Variants in TMOD3 observed in about 807,000 individuals in gnomAD.
TMOD3 encodes the protein tropomodulin 3.
Under a neutral mutation model 39.2 loss-of-function variants are expected in TMOD3, and 20 were observed. The observed-to-expected ratio is 0.51, with a 90% CI of 0.36 to 0.74. The LOEUF is 0.74. TMOD3 is among the 30% of genes least tolerant of loss of function. The pLI, the probability that TMOD3 is intolerant of heterozygous loss-of-function variation, is 0.00. For synonymous variants in TMOD3, 143 were observed against 145.8 expected (o/e 0.98, Z 0.14); for missense variants, 381 against 412.8 (o/e 0.92, Z 0.67).
intron 1 of TMOD3, among the ~76,000 whole-genome samples, chr15:51,854,283 T>G (rs2141677816): frequency 6.6e-6 from 1 of 152,330 alleles, no homozygotes; most frequent in African/African-American, 2.4e-5. Context: ...CATAAATGAA[T>G]GAATGTGAAT....
intron 1 of TMOD3, among the ~76,000 whole-genome samples, chr15:51,842,781 C>T (rs1470268540): frequency 6.6e-6 from 1 of 152,188 alleles, no homozygotes; most frequent in Non-Finnish European, 1.5e-5. Flanking sequence ...CCACCTCCCT[C>T]ATGAAGTACA....
chr15:51,858,232 T>A (rs1407298142), intron 1 of TMOD3: 1 of 151,972 alleles, frequency 6.6e-6, no homozygotes, highest in East Asian at 1.9e-4. Flanking sequence ...TTTTAAAGTT[T>A]GTATAGAGAT....
intron 1 of TMOD3, chr15:51,860,660 G>C: frequency 1.9e-6 from 1 of 515,818 alleles, no homozygotes; most frequent in South Asian, 1.4e-5. Flanking sequence ...AGGAGGCCAG[G>C]CACGGTGGCT....
At chr15:51,903,254 G>T (rs888678989) in intron 9 of TMOD3, among the ~76,000 whole-genome samples, 13 of 152,180 alleles carry the variant, frequency 8.5e-5, no homozygotes, top group Non-Finnish European at 1.5e-4. Context: ...AGACTTTCCA[G>T]CCAAGGCTGA....
At chr15:51,906,650 A>G (rs969252602) in intron 9 of TMOD3, among the ~76,000 whole-genome samples, 2 of 152,152 alleles carry the variant, frequency 1.3e-5, no homozygotes, top group South Asian at 4.1e-4. Context: ...AACATGCATT[A>G]TAGCATCTGA....
chr15:51,861,704 C>CTAGAG (rs1158701846), intron 1 of TMOD3, among the ~76,000 whole-genome samples: 56 of 147,926 alleles, frequency 3.8e-4, no homozygotes, highest in Non-Finnish European at 6.8e-4. Context: ...GTCACCCAGG[C>CTAGAG]TAGAGTGTAA....
intron 1 of TMOD3, among the ~76,000 whole-genome samples, chr15:51,862,055 A>C (rs2056422032): frequency 6.6e-6 from 1 of 152,160 alleles, no homozygotes; most frequent in Non-Finnish European, 1.5e-5. Context: ...GCAGATGATT[A>C]GCTCTTTGAT....
At chr15:51,863,335 C>T (rs2056428830) in intron 2 of TMOD3, among the ~76,000 whole-genome samples, 1 of 152,200 alleles carries the variant, frequency 6.6e-6, no homozygotes, top group Non-Finnish European at 1.5e-5. Context: ...TTGATACACG[C>T]CAACCTCTGT....
intron 1 of TMOD3, among the ~76,000 whole-genome samples, chr15:51,855,126 A>T (rs2056381502): frequency 6.6e-6 from 1 of 152,224 alleles, no homozygotes; most frequent in Non-Finnish European, 1.5e-5. Context: ...GGGAATATTT[A>T]AACAAATTTC....
intron 1 of TMOD3, among the ~76,000 whole-genome samples, chr15:51,847,509 C>A (rs567798532): frequency 6.6e-6 from 1 of 152,220 alleles, no homozygotes; most frequent in Admixed American, 6.6e-5. Context: ...GTCAACAAAC[C>A]GTAGCATCCC....
chr15:51,875,497 G>C (rs776965366), intron 3 of TMOD3, among the ~76,000 whole-genome samples: 17 of 151,636 alleles, frequency 1.1e-4, no homozygotes, highest in Non-Finnish European at 1.6e-4. Context: ...TGGACGGCTT[G>C]TTACTCATGT....
intron 1 of TMOD3, among the ~76,000 whole-genome samples, chr15:51,850,761 G>A (rs1344514064): frequency 6.6e-6 from 1 of 152,112 alleles, no homozygotes; most frequent in African/African-American, 2.4e-5. Flanking sequence ...GTTTGAGACG[G>A]AGTATTGCTC....
chr15:51,830,791 A>G (rs972135917), intron 1 of TMOD3, among the ~76,000 whole-genome samples: 4 of 152,212 alleles, frequency 2.6e-5, no homozygotes, highest in Non-Finnish European at 4.4e-5. Context: ...TGGCCCGTCA[A>G]AAATATATTA....
intron 2 of TMOD3, among the ~76,000 whole-genome samples, chr15:51,865,696 G>T (rs2056441812): frequency 6.6e-6 from 1 of 152,106 alleles, no homozygotes. Context: ...TTTGGAAAGC[G>T]TTCTGGTAAA....
rs571164140 is a variant in TMOD3 at position 51,845,622 on chromosome 15, T to C, written c.-75+15786T>C. 2.6e-5 allele frequency among the ~76,000 whole-genome samples: 4 copies of C among 152,128 alleles called. No individual in the cohort carries two copies. The South Asian group carries it at 8.3e-4, about 32-fold the overall frequency. On this transcript the variant is annotated intron_variant, in intron 1 of 9. Coordinates refer to ENST00000308580, the MANE Select transcript of TMOD3 (RefSeq NM_014547.5). ...AATTTAAAAATTAGCTGGGCATGGT[T>C]GGCACACACTTGTTGTCCCAGCTAC...
intron 1 of TMOD3, among the ~76,000 whole-genome samples, chr15:51,842,167 C>G (rs2056315663): frequency 6.6e-6 from 1 of 152,154 alleles, no homozygotes; most frequent in Non-Finnish European, 1.5e-5. Context: ...CCTGTCTTAA[C>G]ATCATGAGGC....
Position 51,865,491 on chromosome 15 carries a change from G to A in TMOD3, c.126+2481G>A, listed in dbSNP as rs146820703. Among the ~76,000 whole-genome samples, 195 of 152,294 alleles carry A rather than the reference G, an allele frequency of 1.3e-3. 2 individuals are homozygous for A. The highest frequency in any genetic ancestry group is 4.5e-3 in the African/African-American group (185 of 41,564). Reference sequence around the variant, plus strand: ...TCCCAACTCATGCACTATGGTATCAGTCTGAAATCTGTTGGCTAATTTTTT... The same window carrying A: ...TCCCAACTCATGCACTATGGTATCAATCTGAAATCTGTTGGCTAATTTTTT... On this transcript the variant is annotated intron_variant, in intron 2 of 9. Coordinates refer to ENST00000308580, the MANE Select transcript of TMOD3 (RefSeq NM_014547.5).
At chr15:51,839,018 G>A (rs2056300031) in intron 1 of TMOD3, among the ~76,000 whole-genome samples, 1 of 152,172 alleles carries the variant, frequency 6.6e-6, no homozygotes, top group Admixed American at 6.5e-5. Flanking sequence ...CTGGAATAAG[G>A]GGTGGGTCCC....
intron 1 of TMOD3, among the ~76,000 whole-genome samples, chr15:51,857,421 A>G (rs1294344345): frequency 2.0e-5 from 3 of 152,226 alleles, no homozygotes; most frequent in Non-Finnish European, 2.9e-5. Flanking sequence ...CTTTGGGATT[A>G]GGAGAAGCAA....
Sources: gnomAD v4.1 joint callset for allele counts (sites outside exome capture counted in the v4.1 genomes callset) on GRCh38, gnomAD v4.1.1 for gene constraint, MANE v1.5 for transcripts, NCBI Gene and HGNC (gene_info 2026-07-23, HGNC 2026-07-21) for gene names.